The following PSMD1 variants were observed in gnomAD, a reference collection of about 807,000 sequenced individuals.
The protein encoded by PSMD1 is proteasome 26S subunit, non-ATPase 1.
In PSMD1, 18 loss-of-function variants were observed where a neutral mutation model predicts 119.0. That is an observed-to-expected ratio of 0.15 (90% CI 0.10 to 0.22). The LOEUF (loss-of-function observed/expected upper bound fraction) is 0.22, where lower values mean the gene tolerates loss of function less well. Ranked by LOEUF, PSMD1 falls within the 10% of genes least tolerant of loss-of-function variation. The pLI is 1.00. For missense variants in PSMD1, 702 were observed against 1,158.5 expected, an observed-to-expected ratio of 0.61 and a Z score of 5.72; for synonymous variants, 374 against 396.6, an observed-to-expected ratio of 0.94 and a Z score of 0.68.
intron 14 of PSMD1, among the ~76,000 whole-genome samples, chr2:231,084,352 A>G (rs576508511): frequency 3.9e-5 from 6 of 152,136 alleles, no homozygotes; most frequent in African/African-American, 1.4e-4. Flanking sequence ...ACTCCATCTC[A>G]AAAATATATA....
chr2:231,081,965 C>G (rs941165621), intron 12 of PSMD1, among the ~76,000 whole-genome samples: 1 of 152,186 alleles, frequency 6.6e-6, no homozygotes, highest in East Asian at 1.9e-4. Flanking sequence ...GTTGTTCAGT[C>G]TTTTTCCTCC....
Position 231,119,436 on chromosome 2 carries a change from T to A in PSMD1, c.1884-19300T>A, listed in dbSNP as rs1037923591. 4.3e-4 allele frequency among the ~76,000 whole-genome samples: 66 copies of A among 152,302 alleles called. 1 individual carries two copies. Among genetic ancestry groups the A allele is most frequent in the African/African-American group, 1.5e-3 (64 of 41,558 alleles). On this transcript the variant is annotated intron_variant, in intron 16 of 24. Coordinates refer to ENST00000308696, the MANE Select transcript of PSMD1 (RefSeq NM_002807.4). ...ATTGAACTCTGAAATAATAAGTGAC[T>A]TGCCTGATCCAACACGGGAGAACCA...
chr2:231,148,841 G>C (rs1156670099), intron 18 of PSMD1, among the ~76,000 whole-genome samples: 1 of 152,078 alleles, frequency 6.6e-6, no homozygotes, highest in Non-Finnish European at 1.5e-5. Context: ...TTGACATTTT[G>C]GAGATGGTAT....
chr2:231,165,833 G>T, intron 22 of PSMD1, 38 bp from the exon 23 acceptor site: 2 of 1,487,554 alleles, frequency 1.3e-6, no homozygotes, highest in East Asian at 2.4e-5. Context: ...GAACAGAAAT[G>T]AACTTCTGTT....
At chr2:231,096,682 A>G (rs975766311) in intron 16 of PSMD1, among the ~76,000 whole-genome samples, 19 of 152,244 alleles carry the variant, frequency 1.2e-4, no homozygotes, top group African/African-American at 4.3e-4. Flanking sequence ...GCGCCCTTAC[A>G]GATGGAGCAG....
chr2:231,082,360 C>T (rs1694329782), intron 12 of PSMD1, among the ~76,000 whole-genome samples: 1 of 152,230 alleles, frequency 6.6e-6, no homozygotes, highest in Admixed American at 6.5e-5. Context: ...GCCACCAGTC[C>T]AGCCTCAGCT....
At chr2:231,137,844 C>A (rs1171012600) in intron 16 of PSMD1, among the ~76,000 whole-genome samples, 1 of 152,152 alleles carries the variant, frequency 6.6e-6, no homozygotes, top group African/African-American at 2.4e-5. Context: ...CCATCTGCAT[C>A]CATGTTGCTG....
At chr2:231,093,394 A>G (rs1215127596) in intron 16 of PSMD1, among the ~76,000 whole-genome samples, 1 of 152,128 alleles carries the variant, frequency 6.6e-6, no homozygotes, top group Non-Finnish European at 1.5e-5. Flanking sequence ...CCCCCAGGTA[A>G]AGTCCGGGGC....
intron 16 of PSMD1, chr2:231,113,996 T>G: frequency 8.0e-7 from 1 of 1,252,074 alleles, no homozygotes; most frequent in Non-Finnish European, 1.2e-6. Context: ...CTACAGTTTT[T>G]CAGGTGATAC....
At chr2:231,098,483 C>CT (rs1694780368) in intron 16 of PSMD1, among the ~76,000 whole-genome samples, 1 of 151,642 alleles carries the variant, frequency 6.6e-6, no homozygotes, top group South Asian at 2.1e-4. Flanking sequence ...CTCTCTCTGT[C>CT]TCTATCTCTC....
intron 18 of PSMD1, 92 bp downstream of exon 18, chr2:231,146,448 A>G: frequency 6.7e-6 from 6 of 893,482 alleles, no homozygotes; most frequent in South Asian, 2.9e-5. Context: ...TAGTTCAAAT[A>G]TGGTAAACAC....
chr2:231,170,782 TGC>T lies in PSMD1; in HGVS notation c.*9+62_*9+63del. ...TTGTCAATACTTCACAAATGTTTTT[TGC>T]AAGGACATCATCTCACGTTTTTCCT... On this transcript the variant is annotated intron_variant, in intron 24 of 24. Transcript: ENST00000308696. This position sits in a 1 kb window ranked among gnomAD's most constrained non-coding sequence, Gnocchi z 4.1. 1 of 1,473,598 alleles carries T rather than the reference TGC, an allele frequency of 6.8e-7. No individual in the cohort carries two copies. Among genetic ancestry groups the T allele is most frequent in the Non-Finnish European group, 9.1e-7 (1 of 1,097,022 alleles). 91.3% of individuals were successfully genotyped at this position (1,473,598 alleles called of 1,614,324 possible).
At position 231,170,733 on chromosome 2, in the gene PSMD1, A is replaced by G. The variant is rs771254243; in HGVS notation, c.*9+12A>G. The G allele has an allele frequency of 6.4e-7, 1 of 1,565,476 alleles. No individual in the cohort carries two copies. The highest frequency in any genetic ancestry group is 8.6e-7 in the Non-Finnish European group (1 of 1,156,594). ...ATTAAGGGCCAGAGGTGCGTGTGCA[A>G]CAAAATTATGAAGGGAAACTTCTTT... On this transcript the variant is annotated intron_variant, in intron 24 of 24. Coordinates refer to ENST00000308696, the MANE Select transcript of PSMD1 (RefSeq NM_002807.4). The surrounding 1 kb of genome is among the most constrained non-coding windows in gnomAD (Gnocchi z 4.1).
chr2:231,153,683 C>T lies in PSMD1; in HGVS notation c.2218+17C>T. The T allele has an allele frequency of 1.3e-6, 2 of 1,487,814 alleles. No homozygotes were observed. Among genetic ancestry groups the T allele is most frequent in the Non-Finnish European group, 1.9e-6 (2 of 1,075,392 alleles). 92.2% of individuals were successfully genotyped at this position (1,487,814 alleles called of 1,614,324 possible). On this transcript the variant is annotated intron_variant, in intron 19 of 24. Coordinates refer to ENST00000308696, the MANE Select transcript of PSMD1 (RefSeq NM_002807.4). ...TGGATGCAGGTAAATGTTTTTAAGT[C>T]TTCAAGATTTATTTATTTAAACTAA...
intron 4 of PSMD1, among the ~76,000 whole-genome samples, chr2:231,064,865 T>C (rs1693860664): frequency 6.6e-6 from 1 of 151,636 alleles, no homozygotes; most frequent in Admixed American, 6.6e-5. Context: ...TTTTGCCATG[T>C]TGGCCAGGCT....
At chr2:231,153,376 A>G in intron 18 of PSMD1, 188 bp from the exon 19 acceptor site, 1 of 542,926 alleles carries the variant, frequency 1.8e-6, no homozygotes, top group Non-Finnish European at 3.2e-6. Flanking sequence ...CTCCCACACT[A>G]AAAAGTCATA....
intron 16 of PSMD1, among the ~76,000 whole-genome samples, chr2:231,134,468 A>G (rs529425363): frequency 4.8e-4 from 73 of 152,300 alleles, no homozygotes; most frequent in African/African-American, 1.7e-3. Flanking sequence ...GTCGTGTATA[A>G]TAATCACTCA....
Position 231,139,112 on chromosome 2 carries a change from T to A in PSMD1, c.1998+262T>A, listed in dbSNP as rs116488329. The A allele has an allele frequency of 1.0e-3, 497 of 480,190 alleles. 3 individuals carry two copies. Among genetic ancestry groups the A allele is most frequent in the African/African-American group, 9.3e-3 (475 of 50,830 alleles). The allele number at this position is 480,190 out of a possible 1,614,324, so 29.7% of individuals were successfully genotyped here. On this transcript the variant is annotated intron_variant, in intron 17 of 24. Transcript: ENST00000308696. ...CTTTTTGAAATCATTGATTTCTGGG[T>A]TTTTTGTTTTTGTTTTTTTTGTTTG...
intron 16 of PSMD1, chr2:231,108,688 A>G (rs527954308): frequency 3.7e-6 from 6 of 1,614,112 alleles, no homozygotes; most frequent in African/African-American, 1.3e-5. Context: ...TGAAAAACTT[A>G]GAGTTCTCTG....
Sources: gnomAD v4.1 joint callset for allele counts (sites outside exome capture counted in the v4.1 genomes callset) on GRCh38, gnomAD v4.1.1 for gene constraint, Gnocchi (gnomAD v3.1) non-coding constraint, MANE v1.5 for transcripts, NCBI Gene and HGNC (gene_info 2026-07-23, HGNC 2026-07-21) for gene names.